Variants in TRPS1 observed in about 807,000 individuals in gnomAD.
TRPS1 encodes the protein transcriptional repressor GATA binding 1, also known as zinc finger transcription factor Trps1.
TRPS1 carries 6 observed loss-of-function variants against 101.2 expected under a neutral mutation model. The ratio of observed to expected loss-of-function variants is 0.06; its 90% CI spans 0.03 to 0.12. TRPS1 has a LOEUF of 0.12. Ranked by LOEUF, TRPS1 falls within the 10% of genes least tolerant of loss-of-function variation. TRPS1 has a pLI of 1.00. For synonymous variants in TRPS1, 578 were observed against 589.8 expected, an observed-to-expected ratio of 0.98 and a Z score of 0.29; for missense variants, 1,363 against 1,567.0, an observed-to-expected ratio of 0.87 and a Z score of 2.20.
chr8:115,531,775 A>G (rs1816137453), intron 5 of TRPS1, among the ~76,000 whole-genome samples: 1 of 152,150 alleles, frequency 6.6e-6, no homozygotes, highest in Admixed American at 6.6e-5. Context: ...GAGGAATAAC[A>G]TGGGCAGTCA....
intron 5 of TRPS1, among the ~76,000 whole-genome samples, chr8:115,499,958 TCTTTCTTTTC>T (rs1815267831): frequency 2.5e-5 from 1 of 40,792 alleles, no homozygotes; most frequent in African/African-American, 7.6e-5. Context: ...TTTCTTTCTT[TCTTTCTTTTC>T]TTTTCTTTTC....
chr8:115,551,269 A>C (rs1417716533), intron 5 of TRPS1, among the ~76,000 whole-genome samples: 1 of 152,240 alleles, frequency 6.6e-6, no homozygotes, highest in Non-Finnish European at 1.5e-5. Flanking sequence ...ACCTAAGGCA[A>C]ATTTCAAAAG....
At position 115,587,432 on chromosome 8, in the gene TRPS1, A is replaced by C. The variant is rs768772182; in HGVS notation, c.2269T>G (p.Phe757Val). 6 of 1,614,110 alleles carry C rather than the reference A, an allele frequency of 3.7e-6. No homozygotes were observed. In the South Asian group the frequency reaches 6.6e-5, roughly 18 times the overall value. ...STIKEEPKID[F>V]RVYNLLTPDS... is the part of the protein sequence containing the mutation. ...GGAGTTAGCAGATTGTAGACCCTGA[A>C]GTCAATTTTGGGCTCCTCTTTGATG... The change falls in exon 5 of 7, where the codon TTC (phenylalanine) becomes GTC (valine). Residue 757 changes from phenylalanine (F) to valine (V), a missense_variant. This residue lies in a region of TRPS1 where 1,020 missense variants were observed against 1,073.0 expected (regional missense o/e 0.95). Coordinates refer to ENST00000395715, the MANE Select transcript of TRPS1 (RefSeq NM_014112.5).
chr8:115,641,868 A>G (rs1818905461), intron 1 of TRPS1, among the ~76,000 whole-genome samples: 1 of 151,234 alleles, frequency 6.6e-6, no homozygotes, highest in African/African-American at 2.5e-5. Context: ...TGACAGAATG[A>G]GTCTCCGTCT....
At chr8:115,609,770 A>T (rs1818121482) in intron 3 of TRPS1, among the ~76,000 whole-genome samples, 1 of 152,250 alleles carries the variant, frequency 6.6e-6, no homozygotes, top group Non-Finnish European at 1.5e-5. Flanking sequence ...ATGGCTTTTT[A>T]TACTTGATTT....
At chr8:115,620,122 A>G in intron 2 of TRPS1, 62 bp from the exon 3 acceptor site, 1 of 1,524,890 alleles carries the variant, frequency 6.6e-7, no homozygotes, top group South Asian at 1.2e-5. Context: ...GATACAGTTG[A>G]ATCTGGAATA....
chr8:115,635,811 G>A lies in TRPS1; in HGVS notation c.-121-12053C>T, dbSNP rs190474478. 3.3e-5 allele frequency among the ~76,000 whole-genome samples: 5 copies of A among 152,242 alleles called. No homozygotes were observed. The East Asian group carries it at 7.7e-4, about 24-fold the overall frequency. On this transcript the variant is annotated intron_variant, in intron 1 of 6. Transcript: ENST00000395715. ...TTCAGTGGTATTAGCAATTTCTGTG[G>A]TGTTTGGTTAAATTTTTCAATTCCA...
At chr8:115,653,602 A>T (rs1019704131) in intron 1 of TRPS1, among the ~76,000 whole-genome samples, 2 of 152,236 alleles carry the variant, frequency 1.3e-5, no homozygotes, top group African/African-American at 4.8e-5. Context: ...TAAAGGAATA[A>T]CTATTTACAA....
intron 4 of TRPS1, among the ~76,000 whole-genome samples, chr8:115,589,866 C>T (rs1817642300): frequency 6.6e-6 from 1 of 152,154 alleles, no homozygotes. Context: ...CCTGTAATCT[C>T]AGCACTTTGG....
chr8:115,498,415 C>CTCTCTATATA (rs1486361297), intron 5 of TRPS1, among the ~76,000 whole-genome samples: 21 of 39,306 alleles, frequency 5.3e-4, no homozygotes, highest in Non-Finnish European at 7.0e-4. Context: ...CTCTCTCTCT[C>CTCTCTATATA]TATATATATA....
At chr8:115,431,625 T>A (rs916096256) in intron 5 of TRPS1, among the ~76,000 whole-genome samples, 2 of 151,910 alleles carry the variant, frequency 1.3e-5, no homozygotes, top group African/African-American at 4.8e-5. Context: ...GAAATCAGGG[T>A]CCTTTCTAGA....
chr8:115,559,416 T>G (rs1816897272), intron 5 of TRPS1, among the ~76,000 whole-genome samples: 2 of 152,142 alleles, frequency 1.3e-5, no homozygotes. Flanking sequence ...AGGGTTATAA[T>G]AAGAAGTAAG....
rs988301492 is a variant in TRPS1 at position 115,413,856 on chromosome 8, T to C, written c.*167A>G. 5 of 666,124 alleles carry C rather than the reference T, an allele frequency of 7.5e-6. No homozygotes were observed. The highest frequency in any genetic ancestry group is 3.6e-5 in the African/African-American group (2 of 54,866). 41.3% of individuals were successfully genotyped at this position (666,124 alleles called of 1,614,324 possible). A position where few individuals can be genotyped will look rare whatever the true frequency, so the allele number is the denominator to read the frequency against. ...GACCATTTATCTCACTTTTTAATCT[T>C]GGTAACCTACTCATCAAAAGAAAGA... is the stretch of plus-strand genomic sequence containing the variant. On this transcript the variant is annotated 3_prime_UTR_variant, in exon 7 of 7. Transcript: ENST00000395715.
chr8:115,447,026 C>A (rs762932780), intron 5 of TRPS1, among the ~76,000 whole-genome samples: 1 of 152,130 alleles, frequency 6.6e-6, no homozygotes, highest in African/African-American at 2.4e-5. Context: ...TTTTGCCCTA[C>A]TCCAAGACCC....
intron 5 of TRPS1, among the ~76,000 whole-genome samples, chr8:115,538,158 TCAA>T (rs1054264122): frequency 1.7e-3 from 256 of 152,304 alleles, no homozygotes; most frequent in African/African-American, 5.9e-3. Context: ...CCGTAATCTC[TCAA>T]CAGCCAAAGA....
intron 5 of TRPS1, among the ~76,000 whole-genome samples, chr8:115,456,244 T>C (rs1413577375): frequency 6.6e-6 from 1 of 152,180 alleles, no homozygotes; most frequent in Non-Finnish European, 1.5e-5. Flanking sequence ...TTAGGTAAAT[T>C]ACGCAACGTG....
chr8:115,556,456 C>T (rs1268611615), intron 5 of TRPS1, among the ~76,000 whole-genome samples: 1 of 152,090 alleles, frequency 6.6e-6, no homozygotes, highest in Non-Finnish European at 1.5e-5. Flanking sequence ...GTCAACTGTA[C>T]AGGTCTTGAA....
intron 5 of TRPS1, among the ~76,000 whole-genome samples, chr8:115,455,390 C>T (rs1169778499): frequency 6.6e-6 from 1 of 152,080 alleles, no homozygotes; most frequent in Admixed American, 6.5e-5. Flanking sequence ...TGTGAGTGCA[C>T]GATAATTTCT....
chr8:115,549,081 C>T (rs887466783), intron 5 of TRPS1, among the ~76,000 whole-genome samples: 3 of 152,054 alleles, frequency 2.0e-5, no homozygotes, highest in Admixed American at 6.6e-5. Context: ...ACATTCTGGG[C>T]AGAATATATA....
Sources: allele counts gnomAD v4.1 joint callset (sites outside exome capture counted in the v4.1 genomes callset), GRCh38; gene constraint gnomAD v4.1.1; regional missense constraint gnomAD v4.1.1; transcripts MANE v1.5; gene names NCBI Gene and HGNC (gene_info 2026-07-23, HGNC 2026-07-21).